NT5DC3: variants seen among roughly 807,000 people sequenced by gnomAD.
NT5DC3 encodes the protein 5'-nucleotidase domain-containing protein 3.
A neutral mutation model predicts 67.8 loss-of-function variants in NT5DC3; 42 were observed. That is an observed-to-expected ratio of 0.62 (90% confidence interval 0.48 to 0.80). The LOEUF is 0.80. NT5DC3 is among the 30% of genes least tolerant of loss of function. The pLI, the probability that NT5DC3 is intolerant of heterozygous loss-of-function variation, is 0.00. For missense variants in NT5DC3, 570 were observed against 696.4 expected (o/e 0.82, Z 2.04); for synonymous variants, 237 against 255.6 (o/e 0.93, Z 0.69).
At chr12:103,791,615 T>C (rs1433256968) in intron 9 of NT5DC3, among the ~76,000 whole-genome samples, 2 of 152,120 alleles carry the variant, frequency 1.3e-5, no homozygotes, top group African/African-American at 4.8e-5. Flanking sequence ...TCCCTTTCTC[T>C]CCTGTCTGCC....
At chr12:103,790,584 A>G (rs994695215) in intron 9 of NT5DC3, among the ~76,000 whole-genome samples, 3 of 151,408 alleles carry the variant, frequency 2.0e-5, no homozygotes, top group Non-Finnish European at 2.9e-5. Flanking sequence ...CAGTCTCCCT[A>G]TGTAGCCCAG....
chr12:103,765,680 A>G (rs974413997), downstream of NT5DC3, among the ~76,000 whole-genome samples: 2 of 152,100 alleles, frequency 1.3e-5, no homozygotes, highest in Non-Finnish European at 2.9e-5. Context: ...CCTCCCGAGT[A>G]GCTGGGCCTA....
rs139406239 is a variant in NT5DC3, at chr12:103,829,720, T to C, written c.208+11229A>G. Among the ~76,000 whole-genome samples the C allele has an allele frequency of 5.4e-4, 82 of 152,338 alleles. No homozygotes were observed. In the Middle Eastern group the frequency reaches 0.01, roughly 19 times the overall value. ...ACCCACTTTTGGACTGATTTCAACATTGTCAATATTTGTTTAGATTTATTC... is the reference window on the plus strand; with the variant it reads ...ACCCACTTTTGGACTGATTTCAACACTGTCAATATTTGTTTAGATTTATTC... On this transcript the variant is annotated intron_variant, in intron 1 of 13. Transcript: ENST00000392876.
At chr12:103,764,885 G>A in the NT5DC3 span, among the ~76,000 whole-genome samples, 21 of 152,066 alleles carry the variant, frequency 1.4e-4, no homozygotes, top group East Asian at 3.9e-3. Flanking sequence ...ATCACCTGAG[G>A]TCAAGAGTTC....
chr12:103,765,807 G>T (rs1166992012), downstream of NT5DC3, among the ~76,000 whole-genome samples: 1 of 152,160 alleles, frequency 6.6e-6, no homozygotes, highest in Non-Finnish European at 1.5e-5. Context: ...CTCCCGAAGT[G>T]CTGGGATTAC....
intron 4 of NT5DC3, among the ~76,000 whole-genome samples, chr12:103,805,649 C>G (rs539180697): frequency 6.6e-6 from 1 of 151,972 alleles, no homozygotes; most frequent in Non-Finnish European, 1.5e-5. Flanking sequence ...AGTTCAAGAC[C>G]AGCCTGGCTA....
At chr12:103,751,604 T>C in the NT5DC3 span, among the ~76,000 whole-genome samples, 1 of 152,176 alleles carries the variant, frequency 6.6e-6, no homozygotes, top group Non-Finnish European at 1.5e-5. Context: ...CAGTTGCTAC[T>C]TAGCATGGGG....
downstream of NT5DC3, among the ~76,000 whole-genome samples, chr12:103,768,167 G>C (rs923896377): frequency 2.6e-5 from 4 of 151,636 alleles, no homozygotes; most frequent in Non-Finnish European, 5.9e-5. Flanking sequence ...AGGTGCAGTG[G>C]CTCATGCCTA....
Position 103,798,681 on chromosome 12 carries a change from G to A in NT5DC3, c.525-4C>T. 6.2e-7 allele frequency: 1 copy of A among 1,605,178 alleles called. No homozygotes were observed. The highest frequency in any genetic ancestry group is 1.1e-5 in the South Asian group (1 of 90,856). On this transcript the variant is annotated splice_region_variant and splice_polypyrimidine_tract_variant and intron_variant, in intron 4 of 13. Coordinates refer to ENST00000392876, the MANE Select transcript of NT5DC3 (RefSeq NM_001031701.3). The stretch of plus-strand genomic sequence containing the variant: ...ATCAGGGACAACACTGAGGCCTCTG[G>A]AAAAACCAGATGGTGCAGTTAAAGA...
At chr12:103,769,822 A>G (rs1339018127), downstream of NT5DC3, among the ~76,000 whole-genome samples, 2 of 152,270 alleles carry the variant, frequency 1.3e-5, no homozygotes, top group Non-Finnish European at 2.9e-5. Context: ...ATTTTTAACG[A>G]CAAATGTGTT....
At chr12:103,782,099 G>A (rs979478400) in intron 12 of NT5DC3, among the ~76,000 whole-genome samples, 5 of 152,228 alleles carry the variant, frequency 3.3e-5, no homozygotes, top group African/African-American at 1.2e-4. Context: ...GCTGGGCGTG[G>A]TAGCTCACGC....
Position 103,774,990 on chromosome 12 carries a change from A to G in NT5DC3, c.*2839T>C, listed in dbSNP as rs1019476958. ...CACACCACTGCACTCCAGAATGGGC[A>G]ACAGAGCGAGACCTTGCCTCAAAAA... On this transcript the variant is annotated 3_prime_UTR_variant, in exon 14 of 14. Transcript: ENST00000392876. The G allele has an allele frequency of 2.0e-5, 3 of 150,518 alleles. No individual in the cohort carries two copies. The highest frequency in any genetic ancestry group is 4.4e-5 in the Non-Finnish European group (3 of 67,872). 9.3% of individuals were successfully genotyped at this position (150,518 alleles called of 1,614,324 possible). A position where few individuals can be genotyped will look rare whatever the true frequency, so the allele number is the denominator to read the frequency against.
At chr12:103,750,194 C>G in the NT5DC3 span, among the ~76,000 whole-genome samples, 2 of 152,178 alleles carry the variant, frequency 1.3e-5, no homozygotes, top group African/African-American at 4.8e-5. Context: ...TCCCTGCTTT[C>G]CTGGTGCTTG....
At chr12:103,763,553 C>A in the NT5DC3 span, 3 of 1,614,070 alleles carry the variant, frequency 1.9e-6, no homozygotes, top group Non-Finnish European at 2.5e-6. Flanking sequence ...ATCTCGAACC[C>A]CTTGTATGAG....
At chr12:103,756,085 T>TA in the NT5DC3 span, among the ~76,000 whole-genome samples, 1 of 144,128 alleles carries the variant, frequency 6.9e-6, no homozygotes, top group Non-Finnish European at 1.6e-5. Context: ...GTGGAACAGT[T>TA]TAAGAGCATG....
Position 103,774,805 on chromosome 12 carries a change from T to A in NT5DC3, c.*3024A>T, listed in dbSNP as rs1448944495. 6.8e-6 allele frequency: 1 copy of A among 147,956 alleles called. No homozygotes were observed. The highest frequency in any genetic ancestry group is 1.5e-5 in the Non-Finnish European group (1 of 67,234). 9.2% of individuals were successfully genotyped at this position (147,956 alleles called of 1,614,324 possible). Reference sequence around the variant, plus strand: ...TGGGCAGAACACTTGAGGCTAGGAGTTTGAGACCAGCCTGGCCAACATGGT... The same window carrying A: ...TGGGCAGAACACTTGAGGCTAGGAGATTGAGACCAGCCTGGCCAACATGGT... On this transcript the variant is annotated 3_prime_UTR_variant, in exon 14 of 14. Transcript: ENST00000392876.
the NT5DC3 span, among the ~76,000 whole-genome samples, chr12:103,759,426 C>T: frequency 6.6e-6 from 1 of 152,226 alleles, no homozygotes; most frequent in Non-Finnish European, 1.5e-5. Flanking sequence ...CTACAGCATA[C>T]CACACTGACA....
rs1237561558 is a variant in NT5DC3 at position 103,796,945 on chromosome 12, G to T, written c.702C>A (p.Phe234Leu). 6.2e-7 allele frequency: 1 copy of T among 1,614,126 alleles called. No homozygotes were observed. The highest frequency in any genetic ancestry group is 1.7e-5 in the Admixed American group (1 of 60,018). ...MTLLSCVNEY[F>L]LKNNIDYEPV... ...GCTCATAGTCGATGTTGTTCTTGAGGAAGTATTCATTCACGCAGGACAGGA... is the reference window on the plus strand; with the variant it reads ...GCTCATAGTCGATGTTGTTCTTGAGTAAGTATTCATTCACGCAGGACAGGA... The change falls in exon 6 of 14, where the codon TTC (phenylalanine) becomes TTA (leucine). Residue 234 changes from phenylalanine (F) to leucine (L), a missense_variant. Physicochemically the swap from Phe to Leu is conservative, Grantham distance 22. Transcript: ENST00000392876.
intron 9 of NT5DC3, among the ~76,000 whole-genome samples, chr12:103,790,075 A>C (rs1199605108): frequency 6.6e-6 from 1 of 152,122 alleles, no homozygotes. Context: ...TTTTACAGTA[A>C]TACAACATCA....
Sources: gnomAD v4.1 joint callset for allele counts (sites outside exome capture counted in the v4.1 genomes callset) on GRCh38, gnomAD v4.1.1 for gene constraint, MANE v1.5 for transcripts, NCBI Gene and HGNC (gene_info 2026-07-23, HGNC 2026-07-21) for gene names.